Variants in PLIN4 observed in about 807,000 individuals in gnomAD.
The protein encoded by PLIN4 is perilipin-4.
A neutral mutation model predicts 52.4 loss-of-function variants in PLIN4; 57 were observed. The ratio of observed to expected loss-of-function variants is 1.09; its 90% CI spans 0.88 to 1.36. PLIN4 has a LOEUF of 1.36. Among genes scored for constraint, PLIN4 ranks in the 40% most tolerant of loss-of-function variants. PLIN4 has a pLI of 0.00. For missense variants in PLIN4, 1,757 were observed against 1,770.3 expected, an observed-to-expected ratio of 0.99 and a Z score of 0.13; for synonymous variants, 826 against 785.4, an observed-to-expected ratio of 1.05 and a Z score of -0.86.
Position 4,508,881 on chromosome 19 carries a change from C to T in PLIN4, c.3589G>A (p.Asp1197Asn). The change falls in exon 6 of 8, where the codon GAC (aspartate) becomes AAC (asparagine). Residue 1197 changes from aspartate to asparagine, a missense_variant. Physicochemically the swap from Asp to Asn is conservative, Grantham distance 23. Coordinates refer to ENST00000301286, the MANE Select transcript of PLIN4 (RefSeq NM_001367868.2). ...EQGSYFVRLGDLGPSFRQRAF... is the reference protein window; with the variant it reads ...EQGSYFVRLGNLGPSFRQRAF... ...CGCTGGCGGAAGCTGGGACCCAGGT[C>T]ACCTAAACGAACGAAGTAGCTCCCC... The T allele has an allele frequency of 6.2e-7, 1 of 1,613,192 alleles. No homozygotes were observed. The highest frequency in any genetic ancestry group is 8.5e-7 in the Non-Finnish European group (1 of 1,179,844).
chr19:4,513,525 C>T lies in PLIN4; in HGVS notation c.435G>A (p.Gly145=). ...CGGCCCCCTTAGCCATGTCCATGGC[C>T]CCTGTGACCCCGCTGGACACCACCT... ...TKEVVSSGVT[G]AMDMAKGAVQ... The change falls in exon 5 of 8, where the codon GGG becomes GGA. Residue 145 remains glycine (G), a synonymous_variant. Transcript: ENST00000301286. 1.2e-6 allele frequency: 2 copies of T among 1,610,514 alleles called. No homozygotes were observed. Among genetic ancestry groups the T allele is most frequent in the Non-Finnish European group, 1.7e-6 (2 of 1,178,256 alleles).
Position 4,518,433 on chromosome 19 carries a change from C to T in PLIN4, c.-66G>A. The T allele has an allele frequency of 1.6e-6, 2 of 1,227,170 alleles. No homozygotes were observed. The highest frequency in any genetic ancestry group is 2.0e-6 in the Non-Finnish European group (2 of 985,518). 76.0% of individuals were successfully genotyped at this position (1,227,170 alleles called of 1,614,324 possible). ...TGTCACCGAAGCAGACGCGGCCCCG[C>T]TCACCTGGACTGCGCGGGGTCCCCT... On this transcript the variant is annotated 5_prime_UTR_variant, in exon 1 of 8. Transcript: ENST00000301286.
At position 4,502,416 on chromosome 19, in the gene PLIN4, G is replaced by A. The variant is rs913770528; in HGVS notation, c.*2043C>T. 8 of 339,998 alleles carry A rather than the reference G, an allele frequency of 2.4e-5. No homozygotes were observed. Among genetic ancestry groups the A allele is most frequent in the South Asian group, 1.9e-4 (8 of 41,360 alleles). 21.1% of individuals were successfully genotyped at this position (339,998 alleles called of 1,614,324 possible). On this transcript the variant is annotated 3_prime_UTR_variant, in exon 8 of 8. Coordinates refer to ENST00000301286, the MANE Select transcript of PLIN4 (RefSeq NM_001367868.2). ...GGGCGGGAGCAAGCTCTTCCCAGGA[G>A]ACAAGAGGGACAAACCAGGGCATCT... is the stretch of plus-strand genomic sequence containing the variant.
At position 4,512,960 on chromosome 19, in the gene PLIN4, T is replaced by C; in HGVS notation, c.1000A>G (p.Lys334Glu). ...DTSKTVLTGT[K>E]DTVCSGVTGA... ...GTCACCCCACTACAGACGGTGTCCT[T>C]GGTACCTGTTAGGACAGTCTTACTG... Residue 334 changes from lysine (K) to glutamate (E), a missense_variant, in exon 5 of 8, where the codon AAG (lysine) becomes GAG (glutamate). By Grantham distance (56) the Lys-to-Glu change is moderately conservative (BLOSUM62 1). Around this residue, in one of 7 missense-constraint regions of PLIN4, gnomAD observed 99 missense variants for 143.4 expected, o/e 0.69. Transcript: ENST00000301286. The C allele has an allele frequency of 1.4e-6, 1 of 698,558 alleles. No individual in the cohort carries two copies. Among genetic ancestry groups the C allele is most frequent in the Middle Eastern group, 2.7e-4 (1 of 3,698 alleles). 43.3% of individuals were successfully genotyped at this position (698,558 alleles called of 1,614,324 possible).
chr19:4,510,162 C>T (rs1224400867), intron 5 of PLIN4, among the ~76,000 whole-genome samples: 2 of 152,002 alleles, frequency 1.3e-5, no homozygotes, highest in Admixed American at 6.6e-5. Context: ...GTCAAGAGAT[C>T]GAGACCATCC....
chr19:4,517,599 G>C lies in PLIN4; in HGVS notation c.151C>G (p.Pro51Ala). 6.2e-7 allele frequency: 1 copy of C among 1,611,146 alleles called. No individual in the cohort carries two copies. ...SSARARPAAD[P>A]TGAPAAEAAQ... Reference sequence around the variant, plus strand: ...GCCTCGGCAGCAGGCGCTCCTGTGGGGTCAGCGGCCGGCCGGGCTCTCGCC... The same window carrying C: ...GCCTCGGCAGCAGGCGCTCCTGTGGCGTCAGCGGCCGGCCGGGCTCTCGCC... Residue 51 changes from proline to alanine, a missense_variant, in exon 3 of 8, where the codon CCC (proline) becomes GCC (alanine). Transcript: ENST00000301286.
Position 4,510,821 on chromosome 19 carries a change from T to C in PLIN4, c.3139A>G (p.Thr1047Ala). ...CAGTTCTGGAAGGTGCTGAGGCCAG[T>C]GTGGGTGGCCCCTGTCGCCACGTTC... ...SGNVATGATH[T>A]GLSTFQNWLP... is the part of the protein sequence containing the mutation. The change falls in exon 5 of 8, where the codon ACT becomes GCT. Residue 1047 changes from threonine to alanine, a missense_variant. Around this residue, in one of 7 missense-constraint regions of PLIN4, gnomAD observed 712 missense variants for 637.1 expected, o/e 1.12. Transcript: ENST00000301286. The C allele has an allele frequency of 6.2e-7, 1 of 1,610,816 alleles. No homozygotes were observed. Among genetic ancestry groups the C allele is most frequent in the African/African-American group, 1.3e-5 (1 of 74,918 alleles).
Position 4,512,588 on chromosome 19 carries a change from T to G in PLIN4, c.1372A>C (p.Thr458Pro). 6.2e-7 allele frequency: 1 copy of G among 1,609,918 alleles called. No homozygotes were observed. Among genetic ancestry groups the G allele is most frequent in the Non-Finnish European group, 8.5e-7 (1 of 1,178,098 alleles). ...RGTIQTGVDT[T>P]KIVLTGTKDT... ...TTGGTACCAGTTAGAACGATCTTGGTGGTGTCCACGCCTGTCTGGATGGTT... is the reference window on the plus strand; with the variant it reads ...TTGGTACCAGTTAGAACGATCTTGGGGGTGTCCACGCCTGTCTGGATGGTT... Residue 458 changes from threonine to proline, a missense_variant, in exon 5 of 8, where the codon ACC becomes CCC. By Grantham distance (38) the Thr-to-Pro change is conservative. This residue lies in a region of PLIN4 where 439 missense variants were observed against 406.4 expected (regional missense o/e 1.08). Coordinates refer to ENST00000301286, the MANE Select transcript of PLIN4 (RefSeq NM_001367868.2).
chr19:4,518,231 C>A lies in PLIN4; in HGVS notation c.42G>T (p.Pro14=), dbSNP rs1036323093. The change falls in exon 2 of 8, where the codon CCG becomes CCT. Residue 14 remains proline (P), a synonymous_variant. Transcript: ENST00000301286. ...PDEGRRDPPK[P]KGKTLGSFFG... is the part of the protein sequence containing the mutation. ...CATTTCCCCTCTTTACCTTGCCCTT[C>A]GGTTTGGGGGGATCCCGTCTCCCTT... The A allele has an allele frequency of 4.1e-6, 5 of 1,233,038 alleles. No homozygotes were observed. In the East Asian group the frequency reaches 1.6e-4, roughly 39 times the overall value. 76.4% of individuals were successfully genotyped at this position (1,233,038 alleles called of 1,614,324 possible). A position where few individuals can be genotyped will look rare whatever the true frequency, so the allele number is the denominator to read the frequency against.
At chr19:4,507,783 A>C (rs762803601) in intron 6 of PLIN4, among the ~76,000 whole-genome samples, 2 of 151,994 alleles carry the variant, frequency 1.3e-5, no homozygotes, top group Non-Finnish European at 2.9e-5. Context: ...GGCCCTCAGG[A>C]CTGGGGACGG....
chr19:4,508,621 G>A, intron 6 of PLIN4, 147 bp downstream of exon 6: 1 of 943,916 alleles, frequency 1.1e-6, no homozygotes, highest in Non-Finnish European at 1.5e-6. Flanking sequence ...CAGGAGGCAA[G>A]CCCCATGAGT....
intron 3 of PLIN4, among the ~76,000 whole-genome samples, chr19:4,517,255 G>GCA (rs1349690476): frequency 6.6e-6 from 1 of 152,200 alleles, no homozygotes; most frequent in Non-Finnish European, 1.5e-5. Context: ...GATGGGCAGA[G>GCA]CACCCAGCCT....
At position 4,511,704 on chromosome 19, in the gene PLIN4, C is replaced by T. The variant is rs1272834305; in HGVS notation, c.2256G>A (p.Leu752=). The T allele has an allele frequency of 1.1e-6, 1 of 914,634 alleles. No homozygotes were observed. Among genetic ancestry groups the T allele is most frequent in the East Asian group, 5.7e-5 (1 of 17,662 alleles). The allele number at this position is 914,634 out of a possible 1,614,324, so 56.7% of individuals were successfully genotyped here. ...NVAKGAIQGG[L]DTTKSVLTGT... ...CAGTCAGGACAGACTTTGTAGTGTC[C>T]AGGCCCCCTTGGATGGCCCCTTTGG... Residue 752 remains leucine (L), a synonymous_variant, in exon 5 of 8, where the codon CTG becomes CTA. Transcript: ENST00000301286.
In PLIN4 at chr19:4,513,237, C is replaced by T; in HGVS notation, c.723G>A (p.Gly241=). The T allele has an allele frequency of 1.9e-6, 3 of 1,613,882 alleles. No individual in the cohort carries two copies. Among genetic ancestry groups the T allele is most frequent in the South Asian group, 1.1e-5 (1 of 91,090 alleles). The change falls in exon 5 of 8, where the codon GGG becomes GGA. Residue 241 remains glycine (G), a synonymous_variant. Coordinates refer to ENST00000301286, the MANE Select transcript of PLIN4 (RefSeq NM_001367868.2). The part of the protein sequence containing the change: ...LTGTKDAVST[G]LTGAVNVARG... ...TGGCCACATTCACTGCCCCTGTGAG[C>T]CCAGTGGACACAGCATCTTTGGTGC...
rs531483490 is a variant in PLIN4 at position 4,515,886 on chromosome 19, T to C, written c.258+731A>G. Among the ~76,000 whole-genome samples, 23 of 152,308 alleles carry C rather than the reference T, an allele frequency of 1.5e-4. No individual in the cohort carries two copies. In the South Asian group the frequency reaches 2.3e-3, roughly 15 times the overall value. ...GAGACCCAGGTTCAAGTCCCAGCTT[T>C]TTACCCTCTCCTGCTCCCGACACTC... On this transcript the variant is annotated intron_variant, in intron 4 of 7. Coordinates refer to ENST00000301286, the MANE Select transcript of PLIN4 (RefSeq NM_001367868.2).
intron 4 of PLIN4, among the ~76,000 whole-genome samples, chr19:4,514,662 A>T (rs1291249841): frequency 6.6e-6 from 1 of 151,358 alleles, no homozygotes; most frequent in Non-Finnish European, 1.5e-5. Context: ...GGGAAGGCGG[A>T]GCTTGCAGTG....
intron 5 of PLIN4, 69 bp downstream of exon 5, chr19:4,510,373 AAAAC>A (rs896640994): frequency 3.2e-5 from 41 of 1,301,180 alleles, no homozygotes; most frequent in South Asian, 9.5e-5. Flanking sequence ...CTCAAAAAAA[AAAAC>A]AAAACAGTCA....
rs766672490 is a variant in PLIN4 at position 4,511,476 on chromosome 19, G to A, written c.2484C>T (p.Thr828=). The change falls in exon 5 of 8, where the codon ACC becomes ACT. Residue 828 remains threonine (T), a synonymous_variant. Coordinates refer to ENST00000301286, the MANE Select transcript of PLIN4 (RefSeq NM_001367868.2). ...TGACCCCACTGCAGACAGTGTCCTT[G>A]GTACCGGTCAGCACGGTCTTGGCCG... The part of the protein sequence containing the change: ...VDTAKTVLTG[T]KDTVCSGVTG... The A allele has an allele frequency of 1.9e-6, 3 of 1,540,268 alleles. No individual in the cohort carries two copies. Among genetic ancestry groups the A allele is most frequent in the Non-Finnish European group, 2.7e-6 (3 of 1,124,674 alleles).
chr19:4,518,163 C>A (rs977274196), intron 2 of PLIN4, 59 bp downstream of exon 2: 40 of 1,215,438 alleles, frequency 3.3e-5, no homozygotes, highest in Non-Finnish European at 3.8e-5. Flanking sequence ...AGGTCACCTT[C>A]CCCGGCTCTG....
Sources: allele counts gnomAD v4.1 joint callset (sites outside exome capture counted in the v4.1 genomes callset), GRCh38; gene constraint gnomAD v4.1.1; regional missense constraint gnomAD v4.1.1; transcripts MANE v1.5; gene names NCBI Gene and HGNC (gene_info 2026-07-23, HGNC 2026-07-21).